Variants in ERBB4 observed in about 807,000 individuals in gnomAD.
ERBB4 encodes receptor tyrosine-protein kinase erbB-4.
A neutral mutation model predicts 158.0 loss-of-function variants in ERBB4; 42 were observed. That is an observed-to-expected ratio of 0.27 (90% CI 0.21 to 0.34). The LOEUF (loss-of-function observed/expected upper bound fraction) is 0.34, where lower values mean the gene tolerates loss of function less well. ERBB4 is among the 10% of genes least tolerant of loss of function. The pLI is 1.00. For missense variants in ERBB4, 1,333 were observed against 1,624.1 expected, an observed-to-expected ratio of 0.82 and a Z score of 3.08; for synonymous variants, 583 against 558.7, an observed-to-expected ratio of 1.04 and a Z score of -0.61.
intron 20 of ERBB4, among the ~76,000 whole-genome samples, chr2:211,524,655 C>CT (rs2066290242): frequency 0.021 from 1 of 48 alleles, no homozygotes; most frequent in African/African-American, 0.062. Flanking sequence ...GCCGGCAGGG[C>CT]CGCCGGCTGC....
chr2:211,530,704 A>G (rs1319195367), intron 20 of ERBB4, among the ~76,000 whole-genome samples: 4 of 152,056 alleles, frequency 2.6e-5, no homozygotes, highest in Non-Finnish European at 1.5e-5. Flanking sequence ...CTTAGGCAAC[A>G]TAGTGAAACC....
At chr2:211,393,511 T>G (rs964659894) in intron 25 of ERBB4, among the ~76,000 whole-genome samples, 9 of 152,184 alleles carry the variant, frequency 5.9e-5, no homozygotes, top group Non-Finnish European at 1.2e-4. Context: ...CCCTGTCTCT[T>G]CCTTTGCGTT....
chr2:212,372,780 G>T (rs1392526996), intron 1 of ERBB4, among the ~76,000 whole-genome samples: 5 of 151,948 alleles, frequency 3.3e-5, no homozygotes, highest in Non-Finnish European at 7.4e-5. Flanking sequence ...CAAAACAAAA[G>T]CCTGACCACA....
chr2:211,773,647 T>TATATAA (rs1559506512), intron 4 of ERBB4, among the ~76,000 whole-genome samples: 6 of 77,436 alleles, frequency 7.7e-5, no homozygotes, highest in Non-Finnish European at 1.5e-4. Context: ...TATATATATA[T>TATATAA]AATATATATA....
At chr2:211,701,565 G>A (rs1352048028) in intron 12 of ERBB4, among the ~76,000 whole-genome samples, 1 of 151,612 alleles carries the variant, frequency 6.6e-6, no homozygotes, top group Non-Finnish European at 1.5e-5. Flanking sequence ...GACCATCCTG[G>A]CTAACACAGC....
chr2:212,082,595 A>C (rs1448474583), intron 2 of ERBB4, among the ~76,000 whole-genome samples: 1 of 152,014 alleles, frequency 6.6e-6, no homozygotes. Flanking sequence ...GACTTCCTAT[A>C]AGAATACCTA....
In ERBB4 at chr2:212,008,059, C is replaced by T. The variant is rs62183383; in HGVS notation, c.235-60443G>A. Among the ~76,000 whole-genome samples, 519 of 152,118 alleles carry T rather than the reference C, an allele frequency of 3.4e-3. 4 individuals are homozygous for T. Among genetic ancestry groups the T allele is most frequent in the South Asian group, 5.8e-3 (28 of 4,828 alleles). On this transcript the variant is annotated intron_variant, in intron 2 of 27. Coordinates refer to ENST00000342788, the MANE Select transcript of ERBB4 (RefSeq NM_005235.3). Reference sequence around the variant, plus strand: ...ATAAGCATATTCATCTATTTTATTTCTAAAAATGTCTCAAGTTAACATTTT... The same window carrying T: ...ATAAGCATATTCATCTATTTTATTTTTAAAAATGTCTCAAGTTAACATTTT...
chr2:211,772,836 CACATATATATATATATATATATAT>C (rs2075733595), intron 4 of ERBB4, among the ~76,000 whole-genome samples: 1 of 7,248 alleles, frequency 1.4e-4, no homozygotes, highest in Non-Finnish European at 2.7e-4. Flanking sequence ...TATATATATA[CACATATATATATATATATATATAT>C]ATATATATAC....
chr2:212,145,286 C>T (rs1325790088), intron 1 of ERBB4, among the ~76,000 whole-genome samples: 4 of 152,160 alleles, frequency 2.6e-5, no homozygotes, highest in African/African-American at 9.7e-5. Flanking sequence ...CCAGACATAG[C>T]TAGACTAGTG....
intron 2 of ERBB4, among the ~76,000 whole-genome samples, chr2:212,118,954 G>A (rs947747425): frequency 6.6e-6 from 1 of 151,672 alleles, no homozygotes; most frequent in Non-Finnish European, 1.5e-5. Flanking sequence ...ATCAATAATA[G>A]AGTATTAATG....
chr2:212,420,221 T>C lies in ERBB4; in HGVS notation c.82+118228A>G, dbSNP rs143313512. Among the ~76,000 whole-genome samples the C allele has an allele frequency of 1.7e-3, 266 of 152,156 alleles. 2 individuals are homozygous for C. Among genetic ancestry groups the C allele is most frequent in the Middle Eastern group, 6.8e-3 (2 of 294 alleles). The stretch of plus-strand genomic sequence containing the variant: ...CCAATTATGTCTTCTTATACATTAA[T>C]ATATTTCTGAAAACTGTTCCAAGAA... On this transcript the variant is annotated intron_variant, in intron 1 of 27. Transcript: ENST00000342788.
intron 20 of ERBB4, among the ~76,000 whole-genome samples, chr2:211,456,753 C>T (rs2125492149): frequency 6.6e-6 from 1 of 152,162 alleles, no homozygotes; most frequent in East Asian, 1.9e-4. Context: ...ATTAGATTCT[C>T]ACAAGCAGTG....
rs72945020 is a variant in ERBB4 at position 211,665,789 on chromosome 2, T to C, written c.1717-312A>G. The stretch of plus-strand genomic sequence containing the variant: ...ACTGATTTCCATGTCATGACTCTAA[T>C]GTGACTTAATTTGATCAGCAAAACT... On this transcript the variant is annotated intron_variant, in intron 14 of 27. Coordinates refer to ENST00000342788, the MANE Select transcript of ERBB4 (RefSeq NM_005235.3). 0.076 allele frequency among the ~76,000 whole-genome samples: 11,513 copies of C among 152,250 alleles called. 632 individuals are homozygous for C. The highest frequency in any genetic ancestry group is 0.11 in the Non-Finnish European group (7,267 of 68,008).
At position 212,499,454 on chromosome 2, in the gene ERBB4, G is replaced by A. The variant is rs372530255; in HGVS notation, c.82+38995C>T. Among the ~76,000 whole-genome samples, 72 of 152,060 alleles carry A rather than the reference G, an allele frequency of 4.7e-4. No individual in the cohort carries two copies. In the Middle Eastern group the frequency reaches 0.01, roughly 22 times the overall value. On this transcript the variant is annotated intron_variant, in intron 1 of 27. Transcript: ENST00000342788. ...AATGAAAGAAATATTTTTTAATGTA[G>A]AGGAATCAGGTATAAATCCACTGTT... is the stretch of plus-strand genomic sequence containing the variant.
chr2:211,937,902 A>T (rs1306321812), intron 3 of ERBB4, among the ~76,000 whole-genome samples: 1 of 152,116 alleles, frequency 6.6e-6, no homozygotes, highest in African/African-American at 2.4e-5. Context: ...ATACTGTGGA[A>T]ACTAAAGGTG....
At chr2:212,466,968 G>T (rs899528959) in intron 1 of ERBB4, among the ~76,000 whole-genome samples, 1 of 146,866 alleles carries the variant, frequency 6.8e-6, no homozygotes, top group African/African-American at 2.4e-5. Flanking sequence ...TAGCAAAGGT[G>T]ACTCTTGTTA....
intron 20 of ERBB4, among the ~76,000 whole-genome samples, chr2:211,549,064 C>G (rs1413368159): frequency 1.3e-5 from 2 of 151,990 alleles, no homozygotes; most frequent in African/African-American, 4.8e-5. Context: ...TGTGTAGAAA[C>G]AGCAGCAAAA....
intron 3 of ERBB4, among the ~76,000 whole-genome samples, chr2:211,858,591 A>AT (rs35111479): frequency 0.4 from 60,196 of 150,902 alleles, 12,189 homozygotes; most frequent in East Asian, 0.5. Flanking sequence ...ACAAAAAGCC[A>AT]TTTTTTTTTT....
At chr2:212,247,350 C>T (rs2084348197) in intron 1 of ERBB4, among the ~76,000 whole-genome samples, 1 of 151,976 alleles carries the variant, frequency 6.6e-6, no homozygotes, top group African/African-American at 2.4e-5. Flanking sequence ...TATTTGTGTT[C>T]CCTTTTCAAA....
Sources: allele counts gnomAD v4.1 joint callset (sites outside exome capture counted in the v4.1 genomes callset), GRCh38; gene constraint gnomAD v4.1.1; transcripts MANE v1.5; gene names NCBI Gene and HGNC (gene_info 2026-07-23, HGNC 2026-07-21).